The following KIRREL3 variants were observed in gnomAD, a reference collection of about 807,000 sequenced individuals.
KIRREL3 encodes the protein kirre like nephrin family adhesion molecule 3, also known as kin of IRRE-like protein 3.
A neutral mutation model predicts 89.7 loss-of-function variants in KIRREL3; 36 were observed. That is an observed-to-expected ratio of 0.40 (90% CI 0.31 to 0.53). KIRREL3 has a LOEUF of 0.53. Among genes scored for constraint, KIRREL3 ranks in the 20% least tolerant of loss-of-function variants. The pLI is 0.49. For missense variants in KIRREL3, 864 were observed against 1,056.6 expected, an observed-to-expected ratio of 0.82 and a Z score of 2.53; for synonymous variants, 445 against 441.4, an observed-to-expected ratio of 1.01 and a Z score of -0.10.
Position 126,431,827 on chromosome 11 carries a change from C to G in KIRREL3, c.1589-301G>C, listed in dbSNP as rs1265690995. Among the ~76,000 whole-genome samples, 1 of 151,864 alleles carries G rather than the reference C, an allele frequency of 6.6e-6. No homozygotes were observed. The highest frequency in any genetic ancestry group is 2.4e-5 in the African/African-American group (1 of 41,310). On this transcript the variant is annotated intron_variant, in intron 13 of 16. Coordinates refer to ENST00000525144, the MANE Select transcript of KIRREL3 (RefSeq NM_032531.4). This position sits in a 1 kb window ranked among gnomAD's most constrained non-coding sequence, Gnocchi z 7.1. ...ACACGGAGAAGGGAGGGCCAGGGGA[C>G]AGGAAGACCGGAGATGAGGGGTGGG...
rs1944433006 is a variant in KIRREL3 at position 126,640,624 on chromosome 11, A to G, written c.56-77712T>C. Reference sequence around the variant, plus strand: ...TCATAGCATTTAGTCTGAACCTTACAGCATGGTCTTAAAGAGACACCCTCT... The same window carrying G: ...TCATAGCATTTAGTCTGAACCTTACGGCATGGTCTTAAAGAGACACCCTCT... On this transcript the variant is annotated intron_variant, in intron 1 of 16. Transcript: ENST00000525144. The surrounding 1 kb of genome is among the most constrained non-coding windows in gnomAD (Gnocchi z 4.9). 6.6e-6 allele frequency among the ~76,000 whole-genome samples: 1 copy of G among 152,160 alleles called. No homozygotes were observed. The highest frequency in any genetic ancestry group is 1.5e-5 in the Non-Finnish European group (1 of 68,022).
chr11:126,580,359 G>C (rs183898929), intron 1 of KIRREL3, among the ~76,000 whole-genome samples: 3 of 152,318 alleles, frequency 2.0e-5, no homozygotes, highest in African/African-American at 7.2e-5. Flanking sequence ...TCGTGGAGGA[G>C]GCTGGACTAT....
At position 126,519,678 on chromosome 11, in the gene KIRREL3, G is replaced by C. The variant is rs1958525331; in HGVS notation, c.433+1637C>G. 6.6e-6 allele frequency among the ~76,000 whole-genome samples: 1 copy of C among 152,150 alleles called. No individual in the cohort carries two copies. The highest frequency in any genetic ancestry group is 2.4e-5 in the African/African-American group (1 of 41,422). Reference sequence around the variant, plus strand: ...TGAGTCGGTAGAGGCAGATTCTTCTGAGGATGGAGGGGCTGAGCCATCTCT... The same window carrying C: ...TGAGTCGGTAGAGGCAGATTCTTCTCAGGATGGAGGGGCTGAGCCATCTCT... On this transcript the variant is annotated intron_variant, in intron 4 of 16. Transcript: ENST00000525144. The surrounding 1 kb of genome is among the most constrained non-coding windows in gnomAD (Gnocchi z 4.3).
Position 126,459,981 on chromosome 11 carries a change from A to G in KIRREL3, c.742+3176T>C, listed in dbSNP as rs187280506. 6.6e-6 allele frequency among the ~76,000 whole-genome samples: 1 copy of G among 152,332 alleles called. No individual in the cohort carries two copies. The highest frequency in any genetic ancestry group is 6.5e-5 in the Admixed American group (1 of 15,294). On this transcript the variant is annotated intron_variant, in intron 6 of 16. Coordinates refer to ENST00000525144, the MANE Select transcript of KIRREL3 (RefSeq NM_032531.4). The surrounding 1 kb of genome is among the most constrained non-coding windows in gnomAD (Gnocchi z 4.8). ...ACAAATGTGCTTTTGCTGAGTTTGG[A>G]TGCTTCTTGGTTGACTGAGAAAATG...
At chr11:126,674,834 G>A (rs775365354) in intron 1 of KIRREL3, among the ~76,000 whole-genome samples, 75 of 152,052 alleles carry the variant, frequency 4.9e-4, no homozygotes, top group Non-Finnish European at 9.3e-4. Context: ...CCCTCAGCCT[G>A]GGCCAGCCAT....
In KIRREL3 at chr11:126,863,410, CGTGTGTGAGCGCAT is replaced by C. The variant is rs1555066172; in HGVS notation, c.55+137031_55+137044del. 9.0e-3 allele frequency among the ~76,000 whole-genome samples: 242 copies of C among 26,798 alleles called. 4 individuals carry two copies. Among genetic ancestry groups the C allele is most frequent in the African/African-American group, 0.067 (224 of 3,360 alleles). 17.6% of individuals were successfully genotyped at this position (26,798 alleles called of 152,430 possible). A position where few individuals can be genotyped will look rare whatever the true frequency, so the allele number is the denominator to read the frequency against. ...GAGTGCGTGTGTGAGTGCGTGAGTG[CGTGTGTGAGCGCAT>C]GTGTGTGAGTGCGTGTGTGAGTGTG... On this transcript the variant is annotated intron_variant, in intron 1 of 16. Coordinates refer to ENST00000525144, the MANE Select transcript of KIRREL3 (RefSeq NM_032531.4).
Position 126,647,270 on chromosome 11 carries a change from C to A in KIRREL3, c.56-84358G>T, listed in dbSNP as rs1944725454. Among the ~76,000 whole-genome samples, 2 of 152,184 alleles carry A rather than the reference C, an allele frequency of 1.3e-5. No homozygotes were observed. Among genetic ancestry groups the A allele is most frequent in the South Asian group, 4.1e-4 (2 of 4,834 alleles). ...AGTGCTTGTCTGCTGGGGTTTCTAG[C>A]TGGAAATCAGAATAAGCTCCCAAGC... On this transcript the variant is annotated intron_variant, in intron 1 of 16. Coordinates refer to ENST00000525144, the MANE Select transcript of KIRREL3 (RefSeq NM_032531.4). The surrounding 1 kb of genome is among the most constrained non-coding windows in gnomAD (Gnocchi z 4.9).
rs548972043 is a variant in KIRREL3 at position 126,682,376 on chromosome 11, A to G, written c.56-119464T>C. ...CCTCATCTGCAAAATGAGGATGATA[A>G]TATCCTCCTCCCAGTGTTGCTGGGA... On this transcript the variant is annotated intron_variant, in intron 1 of 16. Transcript: ENST00000525144. This position sits in a 1 kb window ranked among gnomAD's most constrained non-coding sequence, Gnocchi z 4.8. 4.7e-4 allele frequency among the ~76,000 whole-genome samples: 71 copies of G among 152,226 alleles called. No homozygotes were observed. Among genetic ancestry groups the G allele is most frequent in the Non-Finnish European group, 3.5e-4 (24 of 68,006 alleles).
At chr11:126,935,788 T>C (rs377366006) in intron 1 of KIRREL3, 16 of 152,338 alleles carry the variant, frequency 1.1e-4, no homozygotes, top group African/African-American at 3.8e-4. Context: ...TCCTCTTTGA[T>C]ACTACGTGGT....
intron 1 of KIRREL3, among the ~76,000 whole-genome samples, chr11:126,866,254 G>T (rs1232275077): frequency 3.3e-5 from 5 of 152,226 alleles, no homozygotes; most frequent in African/African-American, 1.2e-4. Flanking sequence ...ATAGGAAAGT[G>T]GTTGATGTCT....
chr11:126,833,882 A>G (rs571414860), intron 1 of KIRREL3, among the ~76,000 whole-genome samples: 1 of 152,254 alleles, frequency 6.6e-6, no homozygotes, highest in Admixed American at 6.5e-5. Context: ...TATGAGGGAG[A>G]ATTAACACCC....
At chr11:126,657,811 C>A (rs1945222310) in intron 1 of KIRREL3, among the ~76,000 whole-genome samples, 1 of 152,186 alleles carries the variant, frequency 6.6e-6, no homozygotes, top group Non-Finnish European at 1.5e-5. Context: ...AGTTCTATGG[C>A]TTTTTCCCCT....
chr11:126,506,563 G>T (rs1958021738), intron 4 of KIRREL3, among the ~76,000 whole-genome samples: 1 of 152,182 alleles, frequency 6.6e-6, no homozygotes, highest in Non-Finnish European at 1.5e-5. Context: ...CTTGAAACCT[G>T]TAACAGTGTT....
In KIRREL3 at chr11:126,999,362, C is replaced by A. The variant is rs1950258980; in HGVS notation, c.55+1093G>T. ...GGTTTTTGCTTATATTTGGCTTCTC[C>A]CCGACAGGGGAGAAACAGAAGACAT... is the stretch of plus-strand genomic sequence containing the variant. On this transcript the variant is annotated intron_variant, in intron 1 of 16. Coordinates refer to ENST00000525144, the MANE Select transcript of KIRREL3 (RefSeq NM_032531.4). The surrounding 1 kb of genome is among the most constrained non-coding windows in gnomAD (Gnocchi z 5.7). 6.6e-6 allele frequency among the ~76,000 whole-genome samples: 1 copy of A among 152,174 alleles called. No individual in the cohort carries two copies. The highest frequency in any genetic ancestry group is 2.4e-5 in the African/African-American group (1 of 41,430).
chr11:126,771,220 T>C lies in KIRREL3; in HGVS notation c.56-208308A>G, dbSNP rs1950010828. Among the ~76,000 whole-genome samples the C allele has an allele frequency of 6.6e-6, 1 of 151,832 alleles. No homozygotes were observed. The highest frequency in any genetic ancestry group is 2.1e-4 in the South Asian group (1 of 4,810). On this transcript the variant is annotated intron_variant, in intron 1 of 16. Coordinates refer to ENST00000525144, the MANE Select transcript of KIRREL3 (RefSeq NM_032531.4). The surrounding 1 kb of genome is among the most constrained non-coding windows in gnomAD (Gnocchi z 4.4). ...ACCATTGTCTCAGTGCGTCCCTAAA[T>C]AGCCTGGCAAGGAAGGGAATTTTAT...
chr11:126,437,762 C>T (rs954209167), intron 11 of KIRREL3, among the ~76,000 whole-genome samples: 6 of 152,090 alleles, frequency 3.9e-5, no homozygotes, highest in African/African-American at 1.2e-4. Flanking sequence ...GCACCATATG[C>T]CACAATACAA....
Position 126,994,786 on chromosome 11 carries a change from A to G in KIRREL3, c.55+5669T>C, listed in dbSNP as rs1950131474. Among the ~76,000 whole-genome samples, 1 of 152,172 alleles carries G rather than the reference A, an allele frequency of 6.6e-6. No homozygotes were observed. The highest frequency in any genetic ancestry group is 1.5e-5 in the Non-Finnish European group (1 of 68,034). On this transcript the variant is annotated intron_variant, in intron 1 of 16. Coordinates refer to ENST00000525144, the MANE Select transcript of KIRREL3 (RefSeq NM_032531.4). The surrounding 1 kb of genome is among the most constrained non-coding windows in gnomAD (Gnocchi z 5.2). Reference sequence around the variant, plus strand: ...CCACCCTCTTGTGACCCTTGGCTCTATGGCACAGTGTGCTTTCTGAGAGGA... The same window carrying G: ...CCACCCTCTTGTGACCCTTGGCTCTGTGGCACAGTGTGCTTTCTGAGAGGA...
Position 126,585,395 on chromosome 11 carries a change from G to A in KIRREL3, c.56-22483C>T, listed in dbSNP as rs1333517605. On this transcript the variant is annotated intron_variant, in intron 1 of 16. Transcript: ENST00000525144. ...ATTACTGGCACTCACCACCACGCCCGGCTACATTTTGTATTTTCAGTAGAG... is the reference window on the plus strand; with the variant it reads ...ATTACTGGCACTCACCACCACGCCCAGCTACATTTTGTATTTTCAGTAGAG... Among the ~76,000 whole-genome samples the A allele has an allele frequency of 1.6e-4, 24 of 151,768 alleles. 1 individual carries two copies. The highest frequency in any genetic ancestry group is 1.6e-3 in the Admixed American group (24 of 15,216).
chr11:126,440,581 G>T (rs145817483), intron 10 of KIRREL3, 32 bp from the exon 11 acceptor site: 5 of 1,553,484 alleles, frequency 3.2e-6, no homozygotes, highest in Non-Finnish European at 4.4e-6. Context: ...TTAGGCACCC[G>T]GGAAGGGCAC....
Sources: gnomAD v4.1 joint callset for allele counts (sites outside exome capture counted in the v4.1 genomes callset) on GRCh38, gnomAD v4.1.1 for gene constraint, Gnocchi (gnomAD v3.1) non-coding constraint, MANE v1.5 for transcripts, NCBI Gene and HGNC (gene_info 2026-07-23, HGNC 2026-07-21) for gene names.